SLC27A6: variants seen among roughly 807,000 people sequenced by gnomAD.
SLC27A6 encodes long-chain fatty acid transport protein 6.
SLC27A6 carries 74 observed loss-of-function variants against 63.9 expected under a neutral mutation model. The ratio of observed to expected loss-of-function variants is 1.16; its 90% CI spans 0.96 to 1.40. The LOEUF is 1.40. Ranked by LOEUF, SLC27A6 falls within the 40% of genes most tolerant of loss-of-function variation. SLC27A6 has a pLI of 0.00. For missense variants in SLC27A6, 794 were observed against 732.9 expected, an observed-to-expected ratio of 1.08 and a Z score of -0.96; for synonymous variants, 287 against 260.8, an observed-to-expected ratio of 1.10 and a Z score of -0.97.
chr5:129,026,546 C>T (rs1752251796), intron 6 of SLC27A6, among the ~76,000 whole-genome samples: 1 of 152,064 alleles, frequency 6.6e-6, no homozygotes, highest in Non-Finnish European at 1.5e-5. Flanking sequence ...TAGTATTATA[C>T]AGAAACCTTG....
chr5:128,966,721 G>T, intron 1 of SLC27A6, 103 bp downstream of exon 1: 1 of 1,191,784 alleles, frequency 8.4e-7, no homozygotes, highest in Non-Finnish European at 1.1e-6. Context: ...TTTTGGGTGA[G>T]TGAAGTGTGC....
chr5:129,022,171 AAC>A (rs1241452653), intron 5 of SLC27A6, among the ~76,000 whole-genome samples: 2 of 152,152 alleles, frequency 1.3e-5, no homozygotes, highest in African/African-American at 4.8e-5. Context: ...TATTTTAATA[AAC>A]AGTCTTTATA....
intron 2 of SLC27A6, among the ~76,000 whole-genome samples, chr5:128,986,104 G>A (rs1230951441): frequency 6.6e-6 from 1 of 152,176 alleles, no homozygotes; most frequent in African/African-American, 2.4e-5. Flanking sequence ...TTGAGGCCAA[G>A]TGTTTGAGAC....
intron 9 of SLC27A6, 150 bp from the exon 10 acceptor site, chr5:129,032,955 AT>A: frequency 2.3e-6 from 1 of 431,456 alleles, no homozygotes; most frequent in South Asian, 7.1e-5. Flanking sequence ...TCTAAAATAC[AT>A]TTTTTATTTC....
intron 2 of SLC27A6, among the ~76,000 whole-genome samples, chr5:128,988,019 G>A (rs1750849245): frequency 6.6e-6 from 1 of 151,946 alleles, no homozygotes; most frequent in Non-Finnish European, 1.5e-5. Flanking sequence ...AAAACAAATA[G>A]AAGATTCCAA....
At chr5:129,017,695 G>A (rs949257701) in intron 5 of SLC27A6, among the ~76,000 whole-genome samples, 2 of 152,036 alleles carry the variant, frequency 1.3e-5, no homozygotes, top group African/African-American at 4.8e-5. Flanking sequence ...TAGACATTAA[G>A]ACAGTAAAAG....
intron 1 of SLC27A6, among the ~76,000 whole-genome samples, chr5:128,976,787 T>C (rs1750402295): frequency 6.6e-6 from 1 of 152,230 alleles, no homozygotes; most frequent in Non-Finnish European, 1.5e-5. Flanking sequence ...AAGAGAAATC[T>C]GAAATGCTTC....
chr5:128,976,088 T>C (rs1750367260), intron 1 of SLC27A6, among the ~76,000 whole-genome samples: 1 of 151,740 alleles, frequency 6.6e-6, no homozygotes, highest in Admixed American at 6.6e-5. Flanking sequence ...TAAATACAAG[T>C]AGAAATTTAG....
chr5:128,995,291 G>A (rs1483288254), intron 4 of SLC27A6, among the ~76,000 whole-genome samples: 1 of 152,078 alleles, frequency 6.6e-6, no homozygotes. Flanking sequence ...GATATATCTA[G>A]GGATAGACCA....
Position 129,023,617 on chromosome 5 carries a change from C to A in SLC27A6, c.1165-3C>A. 6.5e-7 allele frequency: 1 copy of A among 1,527,836 alleles called. No individual in the cohort carries two copies. 94.6% of individuals were successfully genotyped at this position (1,527,836 alleles called of 1,614,324 possible). On this transcript the variant is annotated splice_polypyrimidine_tract_variant and splice_region_variant and intron_variant, in intron 5 of 9. Transcript: ENST00000262462. ...TCTATTTGTTTGATTTTTTTTTTTG[C>A]AGCTTCTTTCCACTTTTGACTTAAT...
At chr5:128,981,874 C>T (rs980006833) in intron 1 of SLC27A6, among the ~76,000 whole-genome samples, 5 of 149,402 alleles carry the variant, frequency 3.3e-5, no homozygotes, top group African/African-American at 7.4e-5. Flanking sequence ...AGTGCAGTGG[C>T]GTGATCTTGG....
intron 4 of SLC27A6, among the ~76,000 whole-genome samples, chr5:129,006,368 G>T (rs1212859500): frequency 6.6e-6 from 1 of 151,846 alleles, no homozygotes; most frequent in Non-Finnish European, 1.5e-5. Flanking sequence ...GGGATTACAG[G>T]CATGAGCCAC....
intron 6 of SLC27A6, among the ~76,000 whole-genome samples, chr5:129,024,927 A>G (rs556060168): frequency 1.3e-5 from 2 of 152,330 alleles, no homozygotes; most frequent in African/African-American, 4.8e-5. Context: ...AAATCTCTGA[A>G]TTTCAAGCCT....
intron 4 of SLC27A6, among the ~76,000 whole-genome samples, chr5:128,992,691 C>T (rs1561619061): frequency 6.6e-6 from 1 of 152,204 alleles, no homozygotes; most frequent in Admixed American, 6.5e-5. Context: ...AATGCCACAA[C>T]CTCACATATT....
In SLC27A6 at chr5:128,995,173, A is replaced by T. The variant is rs559232645; in HGVS notation, c.969+4709A>T. 6.6e-5 allele frequency among the ~76,000 whole-genome samples: 10 copies of T among 152,276 alleles called. No individual in the cohort carries two copies. The South Asian group carries it at 2.1e-3, about 32-fold the overall frequency. ...TGTCTTTAATATTGATTGGTGAGGA[A>T]TATGTTGGAACTCTAGACATCAGTG... On this transcript the variant is annotated intron_variant, in intron 4 of 9. Transcript: ENST00000262462.
chr5:129,007,442 T>TAAAAAA (rs569920098), intron 4 of SLC27A6, among the ~76,000 whole-genome samples: 2 of 104,284 alleles, frequency 1.9e-5, no homozygotes, highest in Non-Finnish European at 3.9e-5. Flanking sequence ...GACTCAGTCT[T>TAAAAAA]AAAAAAAAAA....
chr5:128,988,032 A>G (rs1387228627), intron 2 of SLC27A6, among the ~76,000 whole-genome samples: 1 of 152,128 alleles, frequency 6.6e-6, no homozygotes, highest in Admixed American at 6.5e-5. Flanking sequence ...GATTCCAAAA[A>G]TGAAAAAAAA....
intron 2 of SLC27A6, among the ~76,000 whole-genome samples, chr5:128,986,270 C>T (rs1750782748): frequency 6.6e-6 from 1 of 152,170 alleles, no homozygotes; most frequent in Non-Finnish European, 1.5e-5. Context: ...GCTGATTGCA[C>T]CTCTGCACTC....
intron 1 of SLC27A6, among the ~76,000 whole-genome samples, chr5:128,974,022 G>A (rs931516692): frequency 7.9e-5 from 12 of 152,290 alleles, no homozygotes; most frequent in South Asian, 2.1e-4. Context: ...TGATAAGGCC[G>A]TAAGTTCTGT....
Sources: allele counts gnomAD v4.1 joint callset (sites outside exome capture counted in the v4.1 genomes callset), GRCh38; gene constraint gnomAD v4.1.1; transcripts MANE v1.5; gene names NCBI Gene and HGNC (gene_info 2026-07-23, HGNC 2026-07-21).